The following UMAD1 variants were observed in gnomAD, a reference collection of about 807,000 sequenced individuals.
UMAD1 encodes UBAP1-MVB12-associated (UMA) domain containing 1, also known as UBAP1-MVB12-associated (UMA)-domain containing protein 1.
In UMAD1, 8 loss-of-function variants were observed where a neutral mutation model predicts 6.1. That is an observed-to-expected ratio of 1.30 (90% CI 0.76 to 2.35). The LOEUF (loss-of-function observed/expected upper bound fraction) is 2.35, where lower values mean the gene tolerates loss of function less well. Among genes scored for constraint, UMAD1 ranks in the 30% most tolerant of loss-of-function variants. The probability of loss-of-function intolerance (pLI) is 0.00; values close to 1 mark genes in which losing one functional copy is unlikely to be tolerated. For synonymous variants in UMAD1, 56 were observed against 31.4 expected, an observed-to-expected ratio of 1.78 and a Z score of -2.61; for missense variants, 130 against 78.4, an observed-to-expected ratio of 1.66 and a Z score of -2.49.
At chr7:7,677,277 T>C (rs1033380154) in intron 2 of UMAD1, among the ~76,000 whole-genome samples, 1 of 152,150 alleles carries the variant, frequency 6.6e-6, no homozygotes, top group Non-Finnish European at 1.5e-5. Context: ...TTTAGTTATT[T>C]AAAAATATAC....
chr7:7,768,233 T>C (rs1397870588), intron 2 of UMAD1, among the ~76,000 whole-genome samples: 1 of 152,232 alleles, frequency 6.6e-6, no homozygotes, highest in Non-Finnish European at 1.5e-5. Flanking sequence ...TTTATTTTTC[T>C]GTACCTCTGG....
intron 2 of UMAD1, among the ~76,000 whole-genome samples, chr7:7,800,125 C>T (rs1782769365): frequency 6.6e-6 from 1 of 152,204 alleles, no homozygotes; most frequent in Non-Finnish European, 1.5e-5. Flanking sequence ...TCAAGTGATC[C>T]ACCCACCTTG....
intron 2 of UMAD1, among the ~76,000 whole-genome samples, chr7:7,745,037 C>T (rs1322233423): frequency 6.6e-6 from 1 of 152,174 alleles, no homozygotes; most frequent in Non-Finnish European, 1.5e-5. Context: ...TCTATTAGCA[C>T]ATACTTTATA....
Position 7,784,756 on chromosome 7 carries a change from CTTTTTTTTTTTTTT to C in UMAD1, c.83-16904_83-16891del, listed in dbSNP as rs71014716. ...TTTACATTAGCTTCTGCCCTTCCTT[CTTTTTTTTTTTTTT>C]TTTTTTTTTGAGACGGAGTCTTGCT... On this transcript the variant is annotated intron_variant, in intron 2 of 3. Transcript: ENST00000682710. 6.4e-5 allele frequency among the ~76,000 whole-genome samples: 5 copies of C among 78,522 alleles called. 1 individual carries two copies. The highest frequency in any genetic ancestry group is 5.5e-4 in the Admixed American group (3 of 5,476). The allele number at this position is 78,522 out of a possible 152,430, so 51.5% of individuals were successfully genotyped here. A position where few individuals can be genotyped will look rare whatever the true frequency, so the allele number is the denominator to read the frequency against.
chr7:7,662,663 C>G (rs1785504938), intron 1 of UMAD1, among the ~76,000 whole-genome samples: 1 of 152,156 alleles, frequency 6.6e-6, no homozygotes, highest in East Asian at 1.9e-4. Flanking sequence ...TAACCAGTCC[C>G]AATGAGATGA....
At chr7:7,842,741 G>T (rs1465528260) in intron 3 of UMAD1, among the ~76,000 whole-genome samples, 1 of 152,098 alleles carries the variant, frequency 6.6e-6, no homozygotes, top group Non-Finnish European at 1.5e-5. Context: ...GGTCACTGGT[G>T]ATCCATCCTT....
At chr7:7,848,433 T>C (rs1783851473) in intron 3 of UMAD1, among the ~76,000 whole-genome samples, 1 of 152,306 alleles carries the variant, frequency 6.6e-6, no homozygotes, top group East Asian at 1.9e-4. Flanking sequence ...ATATCAACAG[T>C]TGATCTGGTG....
chr7:7,723,066 A>G (rs1781079291), intron 2 of UMAD1, among the ~76,000 whole-genome samples: 1 of 152,110 alleles, frequency 6.6e-6, no homozygotes, highest in Admixed American at 6.5e-5. Flanking sequence ...AGGCAAGATA[A>G]TGTTGATTCT....
At chr7:7,778,199 GTCA>G (rs1213862327) in intron 2 of UMAD1, among the ~76,000 whole-genome samples, 1 of 149,878 alleles carries the variant, frequency 6.7e-6, no homozygotes, top group African/African-American at 2.5e-5. Context: ...CCAACCAGCC[GTCA>G]TCTTGGCTTC....
intron 3 of UMAD1, among the ~76,000 whole-genome samples, chr7:7,853,840 T>C (rs954410592): frequency 1.3e-5 from 2 of 152,170 alleles, no homozygotes; most frequent in African/African-American, 4.8e-5. Flanking sequence ...GAACCTCTGG[T>C]ACAATGTTGA....
intron 1 of UMAD1, among the ~76,000 whole-genome samples, chr7:7,643,286 A>G (rs1049249550): frequency 2.6e-5 from 4 of 152,236 alleles, no homozygotes; most frequent in African/African-American, 9.6e-5. Flanking sequence ...TCCACCGGAA[A>G]AAGGAAGGAA....
At position 7,821,260 on chromosome 7, in the gene UMAD1, G is replaced by C. The variant is rs572162011; in HGVS notation, c.156+19517G>C. ...CTTGTGGCTATTGAGCACTTGAAATGTGACTAGTCTGTATTCAGATGTAAA... is the reference window on the plus strand; with the variant it reads ...CTTGTGGCTATTGAGCACTTGAAATCTGACTAGTCTGTATTCAGATGTAAA... On this transcript the variant is annotated intron_variant, in intron 3 of 3. Transcript: ENST00000682710. 1.6e-4 allele frequency among the ~76,000 whole-genome samples: 25 copies of C among 152,248 alleles called. No homozygotes were observed. The South Asian group carries it at 2.1e-3, about 13-fold the overall frequency.
rs565093733 is a variant in UMAD1 at position 7,859,281 on chromosome 7, C to T, written c.157-18000C>T. Among the ~76,000 whole-genome samples the T allele has an allele frequency of 1.2e-4, 18 of 152,158 alleles. No homozygotes were observed. The East Asian group carries it at 3.1e-3, about 26-fold the overall frequency. ...ATAATTATAAAGATTATTTTTAGGC[C>T]GTGCTTATGAGAAGATTGGCACTTA... On this transcript the variant is annotated intron_variant, in intron 3 of 3. Coordinates refer to ENST00000682710, the MANE Select transcript of UMAD1 (RefSeq NM_001302348.2).
At chr7:7,758,798 A>G (rs1018654820) in intron 2 of UMAD1, among the ~76,000 whole-genome samples, 1 of 152,162 alleles carries the variant, frequency 6.6e-6, no homozygotes, top group Non-Finnish European at 1.5e-5. Context: ...TCTTTGTATG[A>G]AGGTACCACA....
At chr7:7,789,439 A>G (rs1225110399) in intron 2 of UMAD1, among the ~76,000 whole-genome samples, 4 of 152,268 alleles carry the variant, frequency 2.6e-5, no homozygotes, top group African/African-American at 4.8e-5. Context: ...TTTTAAATAG[A>G]GAAAAACATC....
At chr7:7,704,101 G>T (rs1040615910) in intron 2 of UMAD1, among the ~76,000 whole-genome samples, 4 of 152,174 alleles carry the variant, frequency 2.6e-5, no homozygotes, top group African/African-American at 9.7e-5. Context: ...GTGTGAGGCT[G>T]TGTTTTCTTT....
chr7:7,749,722 A>G (rs1042694281), intron 2 of UMAD1, among the ~76,000 whole-genome samples: 3 of 152,194 alleles, frequency 2.0e-5, no homozygotes, highest in Admixed American at 6.5e-5. Context: ...AAAGATTTAT[A>G]AAATAGCATA....
At chr7:7,805,320 C>T (rs1409481217) in intron 3 of UMAD1, among the ~76,000 whole-genome samples, 1 of 145,872 alleles carries the variant, frequency 6.9e-6, no homozygotes, top group African/African-American at 2.6e-5. Flanking sequence ...TTAATATCAC[C>T]ACCCTATATC....
intron 3 of UMAD1, among the ~76,000 whole-genome samples, chr7:7,856,158 C>A (rs940907527): frequency 1.3e-5 from 2 of 152,210 alleles, no homozygotes; most frequent in Non-Finnish European, 2.9e-5. Flanking sequence ...TACCCAATTC[C>A]AAAGTTGCTT....
Sources: allele counts gnomAD v4.1 joint callset (sites outside exome capture counted in the v4.1 genomes callset), GRCh38; gene constraint gnomAD v4.1.1; transcripts MANE v1.5; gene names NCBI Gene and HGNC (gene_info 2026-07-23, HGNC 2026-07-21).